The following CYP2J2 variants were observed in gnomAD, a reference collection of about 807,000 sequenced individuals.
CYP2J2 encodes cytochrome P450 2J2.
In CYP2J2, 41 loss-of-function variants were observed where a neutral mutation model predicts 48.8. The observed-to-expected ratio is 0.84, with a 90% confidence interval of 0.66 to 1.09. The LOEUF (loss-of-function observed/expected upper bound fraction) is 1.09. Ranked by LOEUF, CYP2J2 falls within the 50% of genes least tolerant of loss-of-function variation. The pLI, the probability that CYP2J2 is intolerant of heterozygous loss-of-function variation, is 0.00. For synonymous variants in CYP2J2, 221 were observed against 227.1 expected (o/e 0.97, Z 0.24); for missense variants, 644 against 617.3 (o/e 1.04, Z -0.46).
chr1:59,899,705 T>TATACTTGGTTAAGCCTCAGTTTCC (rs1451681780), intron 8 of CYP2J2, among the ~76,000 whole-genome samples: 7 of 152,350 alleles, frequency 4.6e-5, no homozygotes, highest in Admixed American at 6.5e-5. Flanking sequence ...CTTTAGTTTC[T>TATACTTGGTTAAGCCTCAGTTTCC]ATACTTGGTT....
chr1:59,955,288 A>ATCCATATATATATATCCATATATATC, the CYP2J2 span, among the ~76,000 whole-genome samples: 1 of 122,444 alleles, frequency 8.2e-6, no homozygotes, highest in Non-Finnish European at 1.6e-5. Context: ...CCATATATAT[A>ATCCATATATATATATCCATATATATC]TATCCATATA....
chr1:59,915,810 A>T, intron 2 of CYP2J2, 128 bp downstream of exon 2: 1 of 791,030 alleles, frequency 1.3e-6, no homozygotes, highest in Non-Finnish European at 2.0e-6. Context: ...AGCTTTCTTT[A>T]GTGGCAGGAA....
chr1:59,939,687 C>A, the CYP2J2 span, among the ~76,000 whole-genome samples: 1 of 152,192 alleles, frequency 6.6e-6, no homozygotes, highest in Admixed American at 6.5e-5. Context: ...AAGCCTGGGG[C>A]AGGTCCAGAG....
At chr1:59,895,833 T>G (rs1455195109) in intron 8 of CYP2J2, among the ~76,000 whole-genome samples, 2 of 152,204 alleles carry the variant, frequency 1.3e-5, no homozygotes, top group African/African-American at 4.8e-5. Flanking sequence ...TTTAAAATTC[T>G]GTCATTTCTT....
chr1:59,909,097 G>C (rs1644389027), intron 5 of CYP2J2, among the ~76,000 whole-genome samples: 1 of 152,196 alleles, frequency 6.6e-6, no homozygotes, highest in African/African-American at 2.4e-5. Flanking sequence ...TGAAAGGGCT[G>C]TATTTGGGCA....
At chr1:59,900,501 G>T (rs571302535) in intron 8 of CYP2J2, among the ~76,000 whole-genome samples, 10 of 152,184 alleles carry the variant, frequency 6.6e-5, no homozygotes, top group Non-Finnish European at 1.5e-4. Flanking sequence ...TGGCATGGTG[G>T]TGCATGCCTG....
intron 2 of CYP2J2, among the ~76,000 whole-genome samples, chr1:59,914,778 C>T (rs1412535245): frequency 4.1e-4 from 63 of 152,208 alleles, no homozygotes; most frequent in Non-Finnish European, 1.2e-4. Flanking sequence ...GACCCCCAGC[C>T]TGACACCCGT....
At chr1:59,964,035 T>C in the CYP2J2 span, among the ~76,000 whole-genome samples, 2 of 152,198 alleles carry the variant, frequency 1.3e-5, no homozygotes, top group Admixed American at 1.3e-4. Flanking sequence ...TGACAGTCTG[T>C]GTCTATTTAG....
intron 1 of CYP2J2, among the ~76,000 whole-genome samples, chr1:59,920,034 GT>G (rs1644499853): frequency 6.6e-6 from 1 of 151,530 alleles, no homozygotes; most frequent in Admixed American, 6.6e-5. Context: ...CAGATGACAT[GT>G]GTTATTATGC....
rs972405592 is a variant in CYP2J2, at chr1:59,898,164, C to G, written c.1330+2801G>C. Among the ~76,000 whole-genome samples the G allele has an allele frequency of 5.9e-5, 9 of 152,326 alleles. No homozygotes were observed. In the South Asian group the frequency reaches 1.0e-3, roughly 18 times the overall value. On this transcript the variant is annotated intron_variant, in intron 8 of 8. Coordinates refer to ENST00000371204, the MANE Select transcript of CYP2J2 (RefSeq NM_000775.4). ...TCATTTGCAATGCGATGTCATAGCT[C>G]TTCCCATCAAAAATTGTAGTAATAT...
At chr1:59,945,094 A>T in the CYP2J2 span, among the ~76,000 whole-genome samples, 1 of 151,898 alleles carries the variant, frequency 6.6e-6, no homozygotes, top group Admixed American at 6.6e-5. Context: ...TTTTTTGGGG[A>T]GTGGGGCTTC....
At chr1:59,922,048 C>T (rs189025062) in intron 1 of CYP2J2, among the ~76,000 whole-genome samples, 7 of 152,274 alleles carry the variant, frequency 4.6e-5, no homozygotes, top group African/African-American at 1.2e-4. Context: ...CTGGCGGCAT[C>T]GCAGGTCCAG....
chr1:59,956,017 G>A, the CYP2J2 span, among the ~76,000 whole-genome samples: 4 of 151,974 alleles, frequency 2.6e-5, no homozygotes, highest in African/African-American at 4.8e-5. Flanking sequence ...AAGCTATTAC[G>A]CATTTATATA....
At chr1:59,947,495 C>A in the CYP2J2 span, among the ~76,000 whole-genome samples, 1 of 152,108 alleles carries the variant, frequency 6.6e-6, no homozygotes, top group Admixed American at 6.6e-5. Flanking sequence ...TTCTGGGATG[C>A]GATGGGTTGA....
chr1:59,898,399 T>C (rs189234671), intron 8 of CYP2J2, among the ~76,000 whole-genome samples: 114 of 152,284 alleles, frequency 7.5e-4, no homozygotes, highest in African/African-American at 2.7e-3. Context: ...CTGTCCCAGG[T>C]GAAGATATCC....
At chr1:59,940,275 T>C in the CYP2J2 span, among the ~76,000 whole-genome samples, 57 of 152,308 alleles carry the variant, frequency 3.7e-4, no homozygotes, top group African/African-American at 1.2e-3. Flanking sequence ...CCAAGGACTC[T>C]TCAGTTAGCA....
chr1:59,966,575 G>A, the CYP2J2 span, among the ~76,000 whole-genome samples: 49 of 152,268 alleles, frequency 3.2e-4, no homozygotes, highest in Middle Eastern at 3.4e-3. Flanking sequence ...AATGCAACAT[G>A]AAATGTGCTA....
the CYP2J2 span, among the ~76,000 whole-genome samples, chr1:59,961,809 A>G: frequency 6.6e-6 from 1 of 152,148 alleles, no homozygotes; most frequent in African/African-American, 2.4e-5. Context: ...TCCAAACAAT[A>G]GAATAAAAAG....
the CYP2J2 span, among the ~76,000 whole-genome samples, chr1:59,933,067 A>G: frequency 6.6e-6 from 1 of 152,240 alleles, no homozygotes; most frequent in East Asian, 1.9e-4. Flanking sequence ...GAAATGAATG[A>G]TGCAATGTTA....
Sources: allele counts gnomAD v4.1 joint callset (sites outside exome capture counted in the v4.1 genomes callset), GRCh38; gene constraint gnomAD v4.1.1; transcripts MANE v1.5; gene names NCBI Gene and HGNC (gene_info 2026-07-23, HGNC 2026-07-21).